Variants in FYB2 observed in about 807,000 individuals in gnomAD.
FYB2 encodes FYN-binding protein 2.
In FYB2, 103 loss-of-function variants were observed where a neutral mutation model predicts 94.1. That is an observed-to-expected ratio of 1.09 (90% CI 0.93 to 1.29). The LOEUF is 1.29. Among genes scored for constraint, FYB2 ranks in the 50% most tolerant of loss-of-function variants. The pLI, the probability that FYB2 is intolerant of heterozygous loss-of-function variation, is 0.00. For missense variants in FYB2, 896 were observed against 841.5 expected (o/e 1.06, Z -0.80); for synonymous variants, 293 against 287.9 (o/e 1.02, Z -0.18).
chr1:56,779,678 A>G (rs1478210253), intron 4 of FYB2, among the ~76,000 whole-genome samples: 2 of 152,144 alleles, frequency 1.3e-5, no homozygotes, highest in African/African-American at 4.8e-5. Context: ...TTTATCTGTT[A>G]TTCCACTGGC....
chr1:56,789,105 G>C lies in FYB2; in HGVS notation c.787C>G (p.Leu263Val). The change falls in exon 3 of 20, where the codon CTT becomes GTT. Residue 263 changes from leucine to valine, a missense_variant. Leu to Val is a conservative substitution (Grantham distance 32). Coordinates refer to ENST00000343433, the MANE Select transcript of FYB2 (RefSeq NM_001004303.5). ...GAGGGCAATGGCTTTGTTTTGGGAA[G>C]GTGGTGATGCCTGACATCTGGCTGT... Reference protein sequence around the residue: ...EKQPDVRHHHLPKTKPLPSID... With the variant: ...EKQPDVRHHHVPKTKPLPSID... 1.2e-6 allele frequency: 2 copies of C among 1,602,076 alleles called. No individual in the cohort carries two copies. Among genetic ancestry groups the C allele is most frequent in the South Asian group, 1.1e-5 (1 of 89,132 alleles).
At chr1:56,755,801 T>G in intron 7 of FYB2, 95 bp downstream of exon 7, 1 of 1,257,184 alleles carries the variant, frequency 8.0e-7, no homozygotes, top group African/African-American at 1.5e-5. Context: ...GCTAGCTCAG[T>G]TTGGAAACAT....
intron 1 of FYB2, among the ~76,000 whole-genome samples, chr1:56,800,478 T>A (rs901246678): frequency 6.6e-6 from 1 of 151,970 alleles, no homozygotes; most frequent in Admixed American, 6.6e-5. Context: ...GGCAAAAAAA[T>A]AAATAAATTA....
At chr1:56,747,842 T>C (rs1645104959) in intron 9 of FYB2, among the ~76,000 whole-genome samples, 2 of 152,126 alleles carry the variant, frequency 1.3e-5, no homozygotes, top group South Asian at 4.1e-4. Flanking sequence ...TCCACAATCG[T>C]TGAACTAATT....
intron 6 of FYB2, among the ~76,000 whole-genome samples, chr1:56,757,687 C>CTTCCTTCCTTCCTTCTTTCT (rs1293394860): frequency 2.5e-4 from 18 of 71,944 alleles, no homozygotes; most frequent in African/African-American, 1.1e-3. Flanking sequence ...TCCTTCCTTC[C>CTTCCTTCCTTCCTTCTTTCT]TTCTTTCTTT....
chr1:56,722,336 G>A (rs1241081747), intron 17 of FYB2, among the ~76,000 whole-genome samples: 2 of 152,036 alleles, frequency 1.3e-5, no homozygotes, highest in East Asian at 3.9e-4. Flanking sequence ...ATTATGCTCT[G>A]CACATGGATA....
chr1:56,753,254 A>G (rs1645243541), intron 8 of FYB2, among the ~76,000 whole-genome samples: 1 of 152,056 alleles, frequency 6.6e-6, no homozygotes, highest in African/African-American at 2.4e-5. Context: ...TTTGAAGCAG[A>G]TGGGGTCAGT....
intron 3 of FYB2, 94 bp from the exon 4 acceptor site, chr1:56,787,302 T>A: frequency 1.4e-6 from 2 of 1,478,146 alleles, no homozygotes. Flanking sequence ...CCACAGATAA[T>A]GTGGAGAGTG....
At chr1:56,775,620 G>C (rs749603906) in intron 4 of FYB2, among the ~76,000 whole-genome samples, 8 of 152,190 alleles carry the variant, frequency 5.3e-5, no homozygotes, top group Non-Finnish European at 1.2e-4. Flanking sequence ...TAGCAGCAGA[G>C]ATAAGAAGCC....
At position 56,753,954 on chromosome 1, in the gene FYB2, C is replaced by T. The variant is rs1417274349; in HGVS notation, c.1131-19G>A. ...TTTAGCACTGAAATGTGAAGAGATA[C>T]CAGGAAAAAAATGAAGCTTAGAGTG... On this transcript the variant is annotated intron_variant, in intron 7 of 19. Transcript: ENST00000343433. 2 of 1,439,710 alleles carry T rather than the reference C, an allele frequency of 1.4e-6. No homozygotes were observed. Among genetic ancestry groups the T allele is most frequent in the Non-Finnish European group, 1.9e-6 (2 of 1,076,396 alleles). 89.2% of individuals were successfully genotyped at this position (1,439,710 alleles called of 1,614,324 possible).
intron 12 of FYB2, among the ~76,000 whole-genome samples, 156 bp downstream of exon 12, chr1:56,742,005 A>G (rs1404130971): frequency 6.6e-6 from 1 of 151,764 alleles, no homozygotes; most frequent in Non-Finnish European, 1.5e-5. Context: ...ATAGGTTATC[A>G]TAACTCTCAG....
At chr1:56,783,699 C>T (rs189213842) in intron 4 of FYB2, among the ~76,000 whole-genome samples, 16 of 151,252 alleles carry the variant, frequency 1.1e-4, no homozygotes, top group African/African-American at 3.4e-4. Flanking sequence ...AACAAAGAAG[C>T]GTGTGTGTGT....
intron 15 of FYB2, among the ~76,000 whole-genome samples, chr1:56,730,810 C>A (rs1644691207): frequency 1.3e-5 from 2 of 152,016 alleles, no homozygotes; most frequent in Admixed American, 1.3e-4. Flanking sequence ...ACCCTGATAC[C>A]AAAAGCAGAC....
At chr1:56,825,454 A>G in the FYB2 span, among the ~76,000 whole-genome samples, 3 of 152,218 alleles carry the variant, frequency 2.0e-5, no homozygotes, top group South Asian at 2.1e-4. Flanking sequence ...GCCCACATCC[A>G]TGTCTCTTCA....
intron 5 of FYB2, among the ~76,000 whole-genome samples, chr1:56,765,560 G>C (rs1645602214): frequency 6.6e-6 from 1 of 152,156 alleles, no homozygotes. Flanking sequence ...TGTTTGGCTG[G>C]AGTAGACTAG....
chr1:56,763,852 G>T (rs1645559232), intron 5 of FYB2, among the ~76,000 whole-genome samples: 2 of 151,138 alleles, frequency 1.3e-5, no homozygotes, highest in Admixed American at 6.6e-5. Flanking sequence ...TTGCTTTCAA[G>T]AATTTTTCTC....
intron 7 of FYB2, 62 bp downstream of exon 7, chr1:56,755,834 A>G: frequency 2.0e-6 from 3 of 1,486,254 alleles, no homozygotes; most frequent in Non-Finnish European, 2.8e-6. Flanking sequence ...GAGGAAAACT[A>G]GTTCAGTCAT....
At chr1:56,751,246 A>T (rs1645191751) in intron 8 of FYB2, 43 bp from the exon 9 acceptor site, 1 of 1,579,290 alleles carries the variant, frequency 6.3e-7, no homozygotes, top group Admixed American at 1.7e-5. Flanking sequence ...GCTGTGACTT[A>T]CCTAATCAGT....
chr1:56,724,532 CCAT>C (rs1644548522), intron 16 of FYB2, among the ~76,000 whole-genome samples: 1 of 152,016 alleles, frequency 6.6e-6, no homozygotes, highest in Non-Finnish European at 1.5e-5. Context: ...GCCTGAGATG[CCAT>C]CTTCGTCTTA....
Sources: gnomAD v4.1 joint callset for allele counts (sites outside exome capture counted in the v4.1 genomes callset) on GRCh38, gnomAD v4.1.1 for gene constraint, MANE v1.5 for transcripts, NCBI Gene and HGNC (gene_info 2026-07-23, HGNC 2026-07-21) for gene names.